ADAMTS18: variants seen among roughly 807,000 people sequenced by gnomAD.
The protein encoded by ADAMTS18 is A disintegrin and metalloproteinase with thrombospondin motifs 18.
In ADAMTS18, 157 loss-of-function variants were observed where a neutral mutation model predicts 165.9. That is an observed-to-expected ratio of 0.95 (90% CI 0.83 to 1.08). The LOEUF (loss-of-function observed/expected upper bound fraction) is 1.08, where lower values mean the gene tolerates loss of function less well. ADAMTS18 is among the 50% of genes least tolerant of loss of function. The probability of loss-of-function intolerance (pLI) is 0.00; values close to 1 mark genes in which losing one functional copy is unlikely to be tolerated. For synonymous variants in ADAMTS18, 782 were observed against 578.2 expected (o/e 1.35, Z -5.06); for missense variants, 2,040 against 1,534.0 (o/e 1.33, Z -5.51).
chr16:77,414,305 T>C lies in ADAMTS18; in HGVS notation c.495+16990A>G, dbSNP rs184663097. 9.5e-4 allele frequency among the ~76,000 whole-genome samples: 144 copies of C among 152,334 alleles called. 1 individual carries two copies. The highest frequency in any genetic ancestry group is 3.2e-3 in the African/African-American group (132 of 41,580). On this transcript the variant is annotated intron_variant, in intron 3 of 22. Transcript: ENST00000282849. Reference sequence around the variant, plus strand: ...CTTCAGGGTAGGAAATGGCTATACCTGTACTGCCCAAGACAGCAGCCCTTA... The same window carrying C: ...CTTCAGGGTAGGAAATGGCTATACCCGTACTGCCCAAGACAGCAGCCCTTA...
chr16:77,352,381 C>T (rs940274627), intron 10 of ADAMTS18, among the ~76,000 whole-genome samples: 3 of 151,948 alleles, frequency 2.0e-5, no homozygotes, highest in Non-Finnish European at 4.4e-5. Context: ...TACCAGTCAC[C>T]GGTGAAGAAG....
At chr16:77,365,129 C>G (rs2056774711) in intron 4 of ADAMTS18, among the ~76,000 whole-genome samples, 1 of 152,086 alleles carries the variant, frequency 6.6e-6, no homozygotes, top group African/African-American at 2.4e-5. Flanking sequence ...CACACCTACG[C>G]ATTTACCTTT....
At chr16:77,319,820 T>C (rs1311768022) in intron 16 of ADAMTS18, 29 bp downstream of exon 16, 2 of 1,613,704 alleles carry the variant, frequency 1.2e-6, no homozygotes, top group Admixed American at 3.3e-5. Flanking sequence ...CAAGAAGCAC[T>C]GAGAACTGAA....
intron 3 of ADAMTS18, among the ~76,000 whole-genome samples, chr16:77,400,424 T>TTGTGTGTGTGTGTGTGTG (rs145473637): frequency 5.9e-5 from 8 of 136,088 alleles, no homozygotes; most frequent in African/African-American, 2.0e-4. Flanking sequence ...TCAGGGGGAA[T>TTGTGTGTGTGTGTGTGTG]TGTGTGTGTG....
At position 77,431,415 on chromosome 16, in the gene ADAMTS18, C is replaced by T. The variant is rs763033403; in HGVS notation, c.375G>A (p.Gln125=). 1.5e-5 allele frequency: 25 copies of T among 1,614,172 alleles called. No individual in the cohort carries two copies. The highest frequency in any genetic ancestry group is 2.0e-5 in the Non-Finnish European group (24 of 1,180,048). Residue 125 remains glutamine (Q), a synonymous_variant, in exon 3 of 23, where the codon CAG becomes CAA. Transcript: ENST00000282849. ...SAILSSHFIV[Q]VLGKDGASET... ...CTGAAGCACCATCTTTTCCAAGTAC[C>T]TGGACAATAAAGTGACTGCTCAAAA... is the stretch of plus-strand genomic sequence containing the variant.
intron 3 of ADAMTS18, among the ~76,000 whole-genome samples, chr16:77,393,253 A>G (rs1355889863): frequency 6.6e-6 from 1 of 152,184 alleles, no homozygotes; most frequent in Non-Finnish European, 1.5e-5. Flanking sequence ...CTCGAAGTTC[A>G]GGGCAGTCAT....
chr16:77,433,437 A>T (rs1168126331), intron 2 of ADAMTS18: 1 of 152,244 alleles, frequency 6.6e-6, no homozygotes, highest in Non-Finnish European at 1.5e-5. Flanking sequence ...TGTCCCCTGT[A>T]AAGAGTGATC....
At chr16:77,410,270 G>T (rs966482533) in intron 3 of ADAMTS18, among the ~76,000 whole-genome samples, 1 of 138,752 alleles carries the variant, frequency 7.2e-6, no homozygotes, top group South Asian at 2.3e-4. Context: ...TATGACCCAA[G>T]AATTGGTTGC....
At chr16:77,377,236 T>TG (rs2056966964) in intron 3 of ADAMTS18, among the ~76,000 whole-genome samples, 2 of 152,348 alleles carry the variant, frequency 1.3e-5, no homozygotes, top group Middle Eastern at 3.4e-3. Context: ...CATCACAGGC[T>TG]TTAGATTTAA....
intron 10 of ADAMTS18, among the ~76,000 whole-genome samples, chr16:77,350,818 T>C (rs932257143): frequency 6.6e-6 from 1 of 152,170 alleles, no homozygotes; most frequent in African/African-American, 2.4e-5. Flanking sequence ...GTCTTGCCGA[T>C]ACACTGCATC....
In ADAMTS18 at chr16:77,312,293, A is replaced by G. The variant is rs182079487; in HGVS notation, c.2532+7556T>C. ...TTCTCGTCGCCCAGGCTGGAGTGCAATGGCACGGTCTTGGCTCACCGCAAC... is the reference window on the plus strand; with the variant it reads ...TTCTCGTCGCCCAGGCTGGAGTGCAGTGGCACGGTCTTGGCTCACCGCAAC... On this transcript the variant is annotated intron_variant, in intron 16 of 22. Transcript: ENST00000282849. Among the ~76,000 whole-genome samples, 141 of 151,904 alleles carry G rather than the reference A, an allele frequency of 9.3e-4. 6 individuals carry two copies. In the East Asian group the frequency reaches 0.021, roughly 23 times the overall value.
At chr16:77,330,513 T>A (rs553807018) in intron 12 of ADAMTS18, among the ~76,000 whole-genome samples, 25 of 152,150 alleles carry the variant, frequency 1.6e-4, no homozygotes, top group Admixed American at 6.5e-4. Context: ...TGTGAAATAA[T>A]TGGATTAGGC....
intron 21 of ADAMTS18, 163 bp from the exon 22 acceptor site, chr16:77,289,574 A>C: frequency 1.3e-6 from 1 of 781,154 alleles, no homozygotes; most frequent in Non-Finnish European, 2.1e-6. Context: ...ATCTATCCTA[A>C]CAAGTGTGAT....
Position 77,335,818 on chromosome 16 carries a change from T to C in ADAMTS18, c.1797A>G (p.Ser599=). ...CTCCACCACATGTCCGGGAACATTCTGACCACTTCGACCAGGCGGACCACT... is the reference window on the plus strand; with the variant it reads ...CTCCACCACATGTCCGGGAACATTCCGACCACTTCGACCAGGCGGACCACT... The part of the protein sequence containing the change: ...HGQWSAWSKW[S]ECSRTCGGGV... Residue 599 remains serine (S), a synonymous_variant, in exon 12 of 23, where the codon TCA becomes TCG. Transcript: ENST00000282849. 6.2e-7 allele frequency: 1 copy of C among 1,614,236 alleles called. No individual in the cohort carries two copies. The highest frequency in any genetic ancestry group is 8.5e-7 in the Non-Finnish European group (1 of 1,180,044).
At chr16:77,376,045 A>G (rs2144760927) in intron 3 of ADAMTS18, among the ~76,000 whole-genome samples, 1 of 151,886 alleles carries the variant, frequency 6.6e-6, no homozygotes, top group South Asian at 2.1e-4. Context: ...CTGGGATTAC[A>G]GGCATGGGCC....
At chr16:77,284,093 A>C (rs1279266308) in intron 22 of ADAMTS18, 22 bp from the exon 23 acceptor site, 1 of 1,506,892 alleles carries the variant, frequency 6.6e-7, no homozygotes. Context: ...AAATATATTT[A>C]GCATGTTGGC....
At chr16:77,287,550 T>A (rs2055277671) in intron 22 of ADAMTS18, among the ~76,000 whole-genome samples, 1 of 152,038 alleles carries the variant, frequency 6.6e-6, no homozygotes, top group African/African-American at 2.4e-5. Context: ...CAATCTCGGG[T>A]CACTGCAACC....
At chr16:77,426,153 A>G (rs1370956249) in intron 3 of ADAMTS18, among the ~76,000 whole-genome samples, 1 of 152,180 alleles carries the variant, frequency 6.6e-6, no homozygotes, top group Non-Finnish European at 1.5e-5. Flanking sequence ...AAAGGTATGA[A>G]ATATGTTAAA....
At chr16:77,432,914 C>T (rs551121238) in intron 2 of ADAMTS18, among the ~76,000 whole-genome samples, 1 of 152,220 alleles carries the variant, frequency 6.6e-6, no homozygotes, top group South Asian at 2.1e-4. Context: ...GTGACTTATT[C>T]CTTGGGCAGC....
Sources: allele counts gnomAD v4.1 joint callset (sites outside exome capture counted in the v4.1 genomes callset), GRCh38; gene constraint gnomAD v4.1.1; transcripts MANE v1.5; gene names NCBI Gene and HGNC (gene_info 2026-07-23, HGNC 2026-07-21).